The following USP24 variants were observed in gnomAD, a reference collection of about 807,000 sequenced individuals.
The protein encoded by USP24 is ubiquitin specific peptidase 24, also known as ubiquitin carboxyl-terminal hydrolase 24.
In USP24, 97 loss-of-function variants were observed where a neutral mutation model predicts 361.6. The ratio of observed to expected loss-of-function variants is 0.27; its 90% CI spans 0.23 to 0.32. The LOEUF (loss-of-function observed/expected upper bound fraction) is 0.32, where lower values mean the gene tolerates loss of function less well. Ranked by LOEUF, USP24 falls within the 10% of genes least tolerant of loss-of-function variation. The probability of loss-of-function intolerance (pLI) is 1.00; values close to 1 mark genes in which losing one functional copy is unlikely to be tolerated. For synonymous variants in USP24, 1,098 were observed against 1,124.6 expected (o/e 0.98, Z 0.47); for missense variants, 2,353 against 3,165.6 (o/e 0.74, Z 6.16).
chr1:55,190,106 G>A (rs749479501), intron 1 of USP24, among the ~76,000 whole-genome samples: 5 of 148,096 alleles, frequency 3.4e-5, no homozygotes, highest in Non-Finnish European at 7.4e-5. Context: ...CGGAGGTTGC[G>A]GTGAGCCAAG....
chr1:55,192,298 T>C (rs1243455430), intron 1 of USP24, among the ~76,000 whole-genome samples: 2 of 152,162 alleles, frequency 1.3e-5, no homozygotes. Flanking sequence ...ACCTGCTAGT[T>C]TAGAGATAAG....
chr1:55,200,504 T>G (rs1240595031), intron 1 of USP24, among the ~76,000 whole-genome samples: 1 of 152,180 alleles, frequency 6.6e-6, no homozygotes, highest in African/African-American at 2.4e-5. Context: ...TACTGTTTCT[T>G]TCCTCCTCCT....
At chr1:55,126,319 T>C (rs1263980445) in intron 32 of USP24, among the ~76,000 whole-genome samples, 1 of 152,220 alleles carries the variant, frequency 6.6e-6, no homozygotes, top group Non-Finnish European at 1.5e-5. Flanking sequence ...CGCTCCCTTA[T>C]CTCCTTCAGG....
At chr1:55,161,214 A>C (rs1247171716) in intron 8 of USP24, among the ~76,000 whole-genome samples, 1 of 151,964 alleles carries the variant, frequency 6.6e-6, no homozygotes, top group Non-Finnish European at 1.5e-5. Context: ...TCTACTAAAA[A>C]TACAAAAATT....
intron 32 of USP24, among the ~76,000 whole-genome samples, chr1:55,127,653 A>C (rs1646472317): frequency 6.6e-6 from 1 of 152,214 alleles, no homozygotes; most frequent in Non-Finnish European, 1.5e-5. Context: ...ACTGATTTCC[A>C]CAGTGGTTGA....
intron 63 of USP24, among the ~76,000 whole-genome samples, chr1:55,074,355 C>T (rs867719367): frequency 1.3e-5 from 2 of 152,034 alleles, no homozygotes; most frequent in Non-Finnish European, 2.9e-5. Context: ...ATAAATAGGC[C>T]GGGCATGGTG....
At chr1:55,071,972 G>A (rs746483446) in intron 66 of USP24, 48 bp from the exon 67 acceptor site, 31 of 1,517,514 alleles carry the variant, frequency 2.0e-5, no homozygotes, top group Non-Finnish European at 2.8e-5. Flanking sequence ...CCCATTCAGT[G>A]GCAGCAGCAA....
intron 26 of USP24, 92 bp from the exon 27 acceptor site, chr1:55,137,996 G>T: frequency 8.0e-7 from 1 of 1,246,694 alleles, no homozygotes; most frequent in Non-Finnish European, 1.1e-6. Context: ...ACTGGGCACT[G>T]TTCTAGAAGC....
chr1:55,189,488 G>C (rs539174211), intron 1 of USP24, among the ~76,000 whole-genome samples: 14 of 152,310 alleles, frequency 9.2e-5, no homozygotes, highest in African/African-American at 3.1e-4. Context: ...GCCGCATATT[G>C]TATCATTCTG....
At position 55,124,644 on chromosome 1, in the gene USP24, A is replaced by G; in HGVS notation, c.3961-16T>C. On this transcript the variant is annotated splice_polypyrimidine_tract_variant and intron_variant, in intron 34 of 67. Transcript: ENST00000294383. Reference sequence around the variant, plus strand: ...CTTCCATTGTCTAAAGAATGGAACAAGTATTATGAGAAAGAGCAATACTTG... The same window carrying G: ...CTTCCATTGTCTAAAGAATGGAACAGGTATTATGAGAAAGAGCAATACTTG... 1.2e-6 allele frequency: 2 copies of G among 1,613,276 alleles called. No homozygotes were observed. The highest frequency in any genetic ancestry group is 1.7e-6 in the Non-Finnish European group (2 of 1,179,646).
intron 48 of USP24, 94 bp from the exon 49 acceptor site, chr1:55,097,266 C>A: frequency 7.4e-7 from 1 of 1,350,808 alleles, no homozygotes; most frequent in South Asian, 1.4e-5. Context: ...AAGTGTTTTC[C>A]TAGTTTAAGC....
chr1:55,077,943 T>C lies in USP24; in HGVS notation c.7314+595A>G, dbSNP rs537306100. On this transcript the variant is annotated intron_variant, in intron 61 of 67. Coordinates refer to ENST00000294383, the MANE Select transcript of USP24 (RefSeq NM_015306.3). ...GAGGAAGAAACTGCCCAAGGTCATA[T>C]AATTAGTAAATAGCAAAGAGAGGAA... Among the ~76,000 whole-genome samples the C allele has an allele frequency of 1.1e-4, 17 of 152,324 alleles. No homozygotes were observed. In the South Asian group the frequency reaches 3.3e-3, roughly 30 times the overall value.
intron 43 of USP24, 29 bp downstream of exon 43, chr1:55,101,555 T>C (rs1206038682): frequency 2.5e-6 from 4 of 1,582,500 alleles, no homozygotes; most frequent in African/African-American, 1.3e-5. Context: ...TTATCTATCG[T>C]ACCAAAAAGG....
chr1:55,194,127 A>G (rs1644358234), intron 1 of USP24, among the ~76,000 whole-genome samples: 2 of 152,188 alleles, frequency 1.3e-5, no homozygotes, highest in African/African-American at 4.8e-5. Context: ...AGTAAAACTT[A>G]TTTTCTTCCA....
chr1:55,151,643 T>C (rs929037257), intron 16 of USP24, among the ~76,000 whole-genome samples: 1 of 151,722 alleles, frequency 6.6e-6, no homozygotes, highest in Admixed American at 6.6e-5. Flanking sequence ...ACTTTTTAAT[T>C]GAAGAAAAAA....
At chr1:55,134,277 C>G in intron 29 of USP24, 51 bp downstream of exon 29, 1 of 1,580,636 alleles carries the variant, frequency 6.3e-7, no homozygotes, top group Non-Finnish European at 8.6e-7. Flanking sequence ...ACTTGGCTCC[C>G]TAATGTTAGT....
chr1:55,169,853 G>A (rs1284755827), intron 5 of USP24, among the ~76,000 whole-genome samples: 1 of 152,162 alleles, frequency 6.6e-6, no homozygotes, highest in Non-Finnish European at 1.5e-5. Context: ...GGTAAAAAAT[G>A]ATAGGAGGGG....
rs570224948 is a variant in USP24, at chr1:55,102,729, ATATT to A, written c.5026-1030_5026-1027del. On this transcript the variant is annotated intron_variant, in intron 42 of 67. Transcript: ENST00000294383. ...GTTTGTAACAGTGCTAAAAATATAA[ATATT>A]TATCTAACACAGATATTGCCTCCAT... 4.4e-3 allele frequency among the ~76,000 whole-genome samples: 674 copies of A among 152,324 alleles called. 2 individuals are homozygous for A. Among genetic ancestry groups the A allele is most frequent in the African/African-American group, 0.016 (652 of 41,576 alleles).
chr1:55,208,147 T>G (rs1644758106), intron 1 of USP24, among the ~76,000 whole-genome samples: 1 of 152,108 alleles, frequency 6.6e-6, no homozygotes, highest in Non-Finnish European at 1.5e-5. Flanking sequence ...CTTAAGGTAA[T>G]CACCTCTAAA....
Sources: allele counts gnomAD v4.1 joint callset (sites outside exome capture counted in the v4.1 genomes callset), GRCh38; gene constraint gnomAD v4.1.1; transcripts MANE v1.5; gene names NCBI Gene and HGNC (gene_info 2026-07-23, HGNC 2026-07-21).